Variants in BRINP2 observed in about 807,000 individuals in gnomAD.
The protein encoded by BRINP2 is BMP/retinoic acid-inducible neural-specific protein 2.
In BRINP2, 21 loss-of-function variants were observed where a neutral mutation model predicts 69.2. That is an observed-to-expected ratio of 0.30 (90% CI 0.22 to 0.44). The LOEUF (loss-of-function observed/expected upper bound fraction) is 0.44. BRINP2 is among the 20% of genes least tolerant of loss of function. BRINP2 has a pLI of 1.00. For missense variants in BRINP2, 877 were observed against 986.0 expected (o/e 0.89, Z 1.48); for synonymous variants, 380 against 394.1 (o/e 0.96, Z 0.42).
chr1:177,195,749 C>T (rs375393851), intron 1 of BRINP2, among the ~76,000 whole-genome samples: 4 of 151,772 alleles, frequency 2.6e-5, no homozygotes, highest in Non-Finnish European at 5.9e-5. Context: ...ATTGAGCAGC[C>T]GGAGAACAAA....
chr1:177,264,595 G>T (rs1309195296), intron 4 of BRINP2, among the ~76,000 whole-genome samples: 1 of 152,202 alleles, frequency 6.6e-6, no homozygotes, highest in Non-Finnish European at 1.5e-5. Context: ...AAGCTGATAA[G>T]CAACTTTAGC....
chr1:177,177,277 T>G (rs937789012), intron 1 of BRINP2, among the ~76,000 whole-genome samples: 5 of 151,516 alleles, frequency 3.3e-5, no homozygotes, highest in African/African-American at 1.2e-4. Context: ...CGAGACTCTT[T>G]ATAAAAACAA....
At chr1:177,270,886 A>C (rs997779810) in intron 4 of BRINP2, among the ~76,000 whole-genome samples, 1 of 152,152 alleles carries the variant, frequency 6.6e-6, no homozygotes, top group Non-Finnish European at 1.5e-5. Flanking sequence ...ATTCAACACT[A>C]TATAGAAAGT....
At chr1:177,279,158 G>A (rs1651611157) in intron 7 of BRINP2, among the ~76,000 whole-genome samples, 2 of 152,108 alleles carry the variant, frequency 1.3e-5, no homozygotes, top group Admixed American at 6.6e-5. Context: ...TCAAACAAAT[G>A]ATTCTGCTCT....
intron 2 of BRINP2, among the ~76,000 whole-genome samples, chr1:177,240,388 A>T (rs1218935909): frequency 6.6e-6 from 1 of 152,216 alleles, no homozygotes; most frequent in Admixed American, 6.5e-5. Context: ...CCCTTATTTG[A>T]TCATTACATG....
intron 1 of BRINP2, among the ~76,000 whole-genome samples, chr1:177,216,945 T>C (rs1649398530): frequency 6.6e-6 from 1 of 152,102 alleles, no homozygotes; most frequent in Non-Finnish European, 1.5e-5. Context: ...TTGTATTTAA[T>C]TTTTGATAAT....
At chr1:177,225,488 T>C (rs1472841945) in intron 1 of BRINP2, among the ~76,000 whole-genome samples, 2 of 152,232 alleles carry the variant, frequency 1.3e-5, no homozygotes, top group East Asian at 3.8e-4. Flanking sequence ...ACTTATGCAG[T>C]CAGCTTCAGG....
chr1:177,210,418 A>T (rs892944016), intron 1 of BRINP2, among the ~76,000 whole-genome samples: 7 of 152,088 alleles, frequency 4.6e-5, no homozygotes, highest in Admixed American at 2.0e-4. Flanking sequence ...CAACAAAATG[A>T]AAAGAGTACA....
At chr1:177,227,737 A>G (rs1213449845) in intron 1 of BRINP2, among the ~76,000 whole-genome samples, 1 of 152,158 alleles carries the variant, frequency 6.6e-6, no homozygotes, top group East Asian at 1.9e-4. Flanking sequence ...TATTAGGTAT[A>G]AAATATTCCA....
chr1:177,188,129 T>C (rs1276772141), intron 1 of BRINP2, among the ~76,000 whole-genome samples: 1 of 152,226 alleles, frequency 6.6e-6, no homozygotes, highest in Non-Finnish European at 1.5e-5. Flanking sequence ...TTGCTGTTAT[T>C]ATTGTTATCT....
intron 1 of BRINP2, among the ~76,000 whole-genome samples, chr1:177,205,911 C>A (rs1013754663): frequency 6.6e-6 from 1 of 152,178 alleles, no homozygotes; most frequent in Non-Finnish European, 1.5e-5. Flanking sequence ...CCTCCCATAG[C>A]GTATCAGTGC....
chr1:177,203,414 C>T (rs535546405), intron 1 of BRINP2, among the ~76,000 whole-genome samples: 6 of 151,932 alleles, frequency 3.9e-5, no homozygotes, highest in Non-Finnish European at 8.8e-5. Flanking sequence ...ACCAACATGG[C>T]ACATGTATAC....
At chr1:177,195,614 C>G (rs1020004536) in intron 1 of BRINP2, among the ~76,000 whole-genome samples, 1 of 151,550 alleles carries the variant, frequency 6.6e-6, no homozygotes, top group East Asian at 1.9e-4. Flanking sequence ...AGTTATTTAA[C>G]CCCTCTGGCT....
Position 177,257,360 on chromosome 1 carries a change from C to A in BRINP2, c.645C>A (p.Ile215=), listed in dbSNP as rs528002829. The A allele has an allele frequency of 3.7e-5, 59 of 1,611,900 alleles. No homozygotes were observed. The South Asian group carries it at 5.4e-4, about 15-fold the overall frequency. The change falls in exon 4 of 8, where the codon ATC becomes ATA. Residue 215 remains isoleucine, a synonymous_variant. Coordinates refer to ENST00000361539, the MANE Select transcript of BRINP2 (RefSeq NM_021165.4). ...GCACGCTGCGACGGCTGCACCATAT[C>A]CAGATAGCCACGGGGGCCATCAAGG... ...RESTLRRLHH[I]QIATGAIKVT...
intron 4 of BRINP2, among the ~76,000 whole-genome samples, chr1:177,268,626 C>T (rs186176235): frequency 1.3e-4 from 20 of 152,280 alleles, no homozygotes; most frequent in African/African-American, 4.8e-4. Context: ...CCCAAATTGG[C>T]ACACACCTCT....
chr1:177,221,373 G>C (rs776460173), intron 1 of BRINP2, among the ~76,000 whole-genome samples: 8 of 152,106 alleles, frequency 5.3e-5, no homozygotes, highest in Non-Finnish European at 1.0e-4. Flanking sequence ...TTTTACCATT[G>C]ACACACATAA....
At chr1:177,228,061 G>A (rs541732544) in intron 1 of BRINP2, among the ~76,000 whole-genome samples, 5 of 152,118 alleles carry the variant, frequency 3.3e-5, no homozygotes, top group Admixed American at 1.3e-4. Context: ...ACCTAGGCTC[G>A]TATTCCACTT....
At chr1:177,262,184 A>G (rs1010898505) in intron 4 of BRINP2, among the ~76,000 whole-genome samples, 1 of 152,156 alleles carries the variant, frequency 6.6e-6, no homozygotes, top group Non-Finnish European at 1.5e-5. Context: ...TGTTTTTAAG[A>G]TGGGAGCTGT....
chr1:177,195,495 C>T (rs1648716222), intron 1 of BRINP2, among the ~76,000 whole-genome samples: 1 of 150,416 alleles, frequency 6.6e-6, no homozygotes, highest in African/African-American at 2.4e-5. Flanking sequence ...TTTTCTCCCT[C>T]TTCTGTGACC....
Sources: gnomAD v4.1 joint callset for allele counts (sites outside exome capture counted in the v4.1 genomes callset) on GRCh38, gnomAD v4.1.1 for gene constraint, MANE v1.5 for transcripts, NCBI Gene and HGNC (gene_info 2026-07-23, HGNC 2026-07-21) for gene names.